The following SRGAP3 variants were observed in gnomAD, a reference collection of about 807,000 sequenced individuals.
The protein encoded by SRGAP3 is SLIT-ROBO Rho GTPase activating protein 3.
Under a neutral mutation model 121.1 loss-of-function variants are expected in SRGAP3, and 39 were observed. That is an observed-to-expected ratio of 0.32 (90% CI 0.25 to 0.42). The LOEUF is 0.42. Ranked by LOEUF, SRGAP3 falls within the 10% of genes least tolerant of loss-of-function variation. SRGAP3 has a pLI of 1.00. For synonymous variants in SRGAP3, 601 were observed against 570.0 expected (o/e 1.05, Z -0.77); for missense variants, 1,213 against 1,470.6 (o/e 0.82, Z 2.86).
At chr3:9,296,204 G>A (rs1338808775) in intron 3 of SRGAP3, among the ~76,000 whole-genome samples, 3 of 152,122 alleles carry the variant, frequency 2.0e-5, no homozygotes, top group South Asian at 4.1e-4. Flanking sequence ...CTAATTTTTT[G>A]AGGAACAATC....
At chr3:9,257,180 A>G (rs1954149461) in intron 3 of SRGAP3, among the ~76,000 whole-genome samples, 1 of 152,192 alleles carries the variant, frequency 6.6e-6, no homozygotes, top group Non-Finnish European at 1.5e-5. Flanking sequence ...TATGCAATGG[A>G]TTGAATGCTT....
chr3:9,100,733 C>T (rs913328634), intron 3 of SRGAP3, among the ~76,000 whole-genome samples: 6 of 152,170 alleles, frequency 3.9e-5, no homozygotes, highest in South Asian at 2.1e-4. Context: ...ATCATCAAAG[C>T]GGCAAACACC....
rs565590567 is a variant in SRGAP3 at position 9,069,541 on chromosome 3, T to A, written c.487-4960A>T. Among the ~76,000 whole-genome samples, 5 of 152,318 alleles carry A rather than the reference T, an allele frequency of 3.3e-5. 1 individual carries two copies. Among genetic ancestry groups the A allele is most frequent in the African/African-American group, 1.2e-4 (5 of 41,560 alleles). ...TAGGGAAGGACTTCGTAGGGATGTGTCAGTTAAGACCACTGTTCTTGGACC... is the reference window on the plus strand; with the variant it reads ...TAGGGAAGGACTTCGTAGGGATGTGACAGTTAAGACCACTGTTCTTGGACC... On this transcript the variant is annotated intron_variant, in intron 4 of 21. Transcript: ENST00000383836.
chr3:9,141,417 T>C (rs1445579997), intron 1 of SRGAP3, among the ~76,000 whole-genome samples: 3 of 151,906 alleles, frequency 2.0e-5, no homozygotes, highest in Non-Finnish European at 4.4e-5. Context: ...GGAAAGCCAC[T>C]ACATCAGGCT....
intron 1 of SRGAP3, among the ~76,000 whole-genome samples, chr3:9,134,268 A>G (rs1338432003): frequency 1.3e-5 from 2 of 152,168 alleles, no homozygotes; most frequent in Non-Finnish European, 2.9e-5. Context: ...CTGAAAACAC[A>G]GTAACTGTTC....
rs755482530 is a variant in SRGAP3 at position 8,994,472 on chromosome 3, G to A, written c.2279C>T (p.Pro760Leu). The A allele has an allele frequency of 1.4e-5, 23 of 1,614,162 alleles. No homozygotes were observed. The highest frequency in any genetic ancestry group is 7.6e-6 in the Non-Finnish European group (9 of 1,180,042). The change falls in exon 19 of 22, where the codon CCG becomes CTG. Residue 760 changes from proline (P) to leucine (L), a missense_variant. Transcript: ENST00000383836. Reference sequence around the variant, plus strand: ...CCCCTTCTTGAAGGATAGCTCACGCGGGGACCGCCCCATGTAGTCAAACTT... The same window carrying A: ...CCCCTTCTTGAAGGATAGCTCACGCAGGGACCGCCCCATGTAGTCAAACTT... ...IAKFDYMGRS[P>L]RELSFKKGAS...
chr3:9,225,843 G>A (rs897933327), intron 1 of SRGAP3, among the ~76,000 whole-genome samples: 1 of 152,216 alleles, frequency 6.6e-6, no homozygotes, highest in African/African-American at 2.4e-5. Flanking sequence ...TGCCACAGAA[G>A]GGCAATCGGT....
intron 3 of SRGAP3, among the ~76,000 whole-genome samples, chr3:9,320,264 T>C (rs1214018294): frequency 2.6e-5 from 4 of 151,856 alleles, no homozygotes; most frequent in African/African-American, 9.7e-5. Flanking sequence ...AGGGCTAAAA[T>C]ATAGAGGAAA....
intron 12 of SRGAP3, chr3:9,028,225 C>A: frequency 6.5e-7 from 1 of 1,543,394 alleles, no homozygotes; most frequent in Non-Finnish European, 8.9e-7. Context: ...CTTCAGAGTC[C>A]GTGAACGCCG....
chr3:9,134,303 A>G (rs560590256), intron 1 of SRGAP3, among the ~76,000 whole-genome samples: 1 of 152,178 alleles, frequency 6.6e-6, no homozygotes, highest in South Asian at 2.1e-4. Context: ...ATGGAGAGGC[A>G]CCACTCACAG....
At chr3:9,253,593 A>G (rs993254968), upstream of SRGAP3, among the ~76,000 whole-genome samples, 2 of 152,176 alleles carry the variant, frequency 1.3e-5, no homozygotes, top group Admixed American at 6.5e-5. Context: ...CGAGATGACT[A>G]ATTTTGTAAC....
chr3:9,344,115 T>C (rs2125291298), intron 1 of SRGAP3, among the ~76,000 whole-genome samples: 1 of 152,074 alleles, frequency 6.6e-6, no homozygotes, highest in South Asian at 2.1e-4. Flanking sequence ...AGGTCAGGAG[T>C]TGGAGACCAG....
At chr3:8,995,031 T>G (rs1000697383) in intron 18 of SRGAP3, among the ~76,000 whole-genome samples, 2 of 152,204 alleles carry the variant, frequency 1.3e-5, no homozygotes, top group Non-Finnish European at 2.9e-5. Context: ...TGTTAAGGAC[T>G]GAACTGTGTC....
chr3:9,305,526 A>G (rs1027624243), intron 3 of SRGAP3, among the ~76,000 whole-genome samples: 4 of 151,986 alleles, frequency 2.6e-5, no homozygotes, highest in Middle Eastern at 3.4e-3. Context: ...TGTCATTTAC[A>G]TTAGATATTT....
intron 1 of SRGAP3, among the ~76,000 whole-genome samples, chr3:9,231,980 T>A (rs1953227843): frequency 6.6e-6 from 1 of 152,170 alleles, no homozygotes; most frequent in Non-Finnish European, 1.5e-5. Context: ...GGCCACTGCA[T>A]CACGATGGCT....
chr3:9,343,746 C>A (rs1955832765), intron 1 of SRGAP3, among the ~76,000 whole-genome samples: 1 of 152,212 alleles, frequency 6.6e-6, no homozygotes, highest in Admixed American at 6.5e-5. Context: ...TAATGGCTCA[C>A]TGCAGCCTTG....
chr3:9,334,330 G>T (rs1955655416), intron 1 of SRGAP3, among the ~76,000 whole-genome samples: 1 of 152,026 alleles, frequency 6.6e-6, no homozygotes, highest in Admixed American at 6.6e-5. Context: ...AAATAAACAG[G>T]AAATCCATGA....
intron 3 of SRGAP3, among the ~76,000 whole-genome samples, chr3:9,305,493 T>C (rs1955144223): frequency 6.6e-6 from 1 of 151,824 alleles, no homozygotes; most frequent in African/African-American, 2.4e-5. Flanking sequence ...ATGTGCCATG[T>C]TGGTTTGCTG....
chr3:9,334,234 T>C (rs9863952), intron 1 of SRGAP3, among the ~76,000 whole-genome samples: 159 of 152,276 alleles, frequency 1.0e-3, no homozygotes, highest in African/African-American at 3.5e-3. Flanking sequence ...AAGAATGTGA[T>C]TGAACGTATC....
Sources: allele counts gnomAD v4.1 joint callset (sites outside exome capture counted in the v4.1 genomes callset), GRCh38; gene constraint gnomAD v4.1.1; transcripts MANE v1.5; gene names NCBI Gene and HGNC (gene_info 2026-07-23, HGNC 2026-07-21).